Variants in CCDC148 observed in about 807,000 individuals in gnomAD.
CCDC148 encodes coiled-coil domain-containing protein 148.
CCDC148 carries 89 observed loss-of-function variants against 85.7 expected under a neutral mutation model. That is an observed-to-expected ratio of 1.04 (90% CI 0.87 to 1.24). The LOEUF is 1.24. Ranked by LOEUF, CCDC148 falls within the 50% of genes most tolerant of loss-of-function variation. The probability of loss-of-function intolerance (pLI) is 0.00; values close to 1 mark genes in which losing one functional copy is unlikely to be tolerated. For missense variants in CCDC148, 692 were observed against 671.7 expected, an observed-to-expected ratio of 1.03 and a Z score of -0.33; for synonymous variants, 230 against 213.9, an observed-to-expected ratio of 1.08 and a Z score of -0.66.
chr2:158,327,602 C>T (rs1692846820), intron 7 of CCDC148, among the ~76,000 whole-genome samples: 1 of 152,166 alleles, frequency 6.6e-6, no homozygotes, highest in South Asian at 2.1e-4. Context: ...CAACATGCTA[C>T]AGTTTATAAA....
At chr2:158,212,953 C>T (rs1251168360) in intron 11 of CCDC148, among the ~76,000 whole-genome samples, 1 of 152,176 alleles carries the variant, frequency 6.6e-6, no homozygotes, top group African/African-American at 2.4e-5. Flanking sequence ...TGGGCCCATA[C>T]TTGAGAAAGT....
intron 1 of CCDC148, among the ~76,000 whole-genome samples, chr2:158,415,015 A>T (rs988047285): frequency 3.3e-5 from 5 of 152,172 alleles, no homozygotes; most frequent in Non-Finnish European, 5.9e-5. Flanking sequence ...ATGATTTGGT[A>T]TGTATTACTT....
chr2:158,216,139 T>C (rs957261279), intron 11 of CCDC148, among the ~76,000 whole-genome samples: 1 of 152,196 alleles, frequency 6.6e-6, no homozygotes, highest in Non-Finnish European at 1.5e-5. Flanking sequence ...CTTGATTTTA[T>C]ATAGGTACAT....
intron 1 of CCDC148, 67 bp from the exon 2 acceptor site, chr2:158,358,637 T>C (rs1264185395): frequency 7.2e-6 from 8 of 1,117,948 alleles, no homozygotes; most frequent in Non-Finnish European, 9.8e-6. Context: ...CAAAATATAA[T>C]TAGGGCAACA....
chr2:158,287,468 A>G (rs993854613), intron 9 of CCDC148, among the ~76,000 whole-genome samples: 1 of 152,202 alleles, frequency 6.6e-6, no homozygotes, highest in Non-Finnish European at 1.5e-5. Context: ...GTGGGGGTAC[A>G]GGCATTGAGT....
chr2:158,343,065 G>A (rs935852333), intron 3 of CCDC148, among the ~76,000 whole-genome samples: 2 of 152,122 alleles, frequency 1.3e-5, no homozygotes, highest in African/African-American at 4.8e-5. Context: ...CTAGAGTGCA[G>A]TGGCTGTTCA....
chr2:158,358,912 A>G (rs1351404293), intron 1 of CCDC148, among the ~76,000 whole-genome samples: 1 of 152,126 alleles, frequency 6.6e-6, no homozygotes. Flanking sequence ...TTAAAATGTG[A>G]TAGACATCAA....
intron 3 of CCDC148, among the ~76,000 whole-genome samples, chr2:158,344,669 T>C (rs1326863665): frequency 6.6e-6 from 1 of 152,086 alleles, no homozygotes; most frequent in African/African-American, 2.4e-5. Flanking sequence ...ATTTTATCTT[T>C]ACGTGACAGC....
In CCDC148 at chr2:158,450,913, C is replaced by T. The variant is rs79331178; in HGVS notation, c.25+5502G>A. 6.4e-3 allele frequency among the ~76,000 whole-genome samples: 975 copies of T among 152,192 alleles called. 2 individuals are homozygous for T. The highest frequency in any genetic ancestry group is 9.6e-3 in the Non-Finnish European group (656 of 68,004). ...TCTATACCCTTCTATCCCTCCTTTC[C>T]TCCTGGGGCTCCCAGCATAAATTGG... On this transcript the variant is annotated intron_variant, in intron 1 of 13. Coordinates refer to ENST00000283233, the MANE Select transcript of CCDC148 (RefSeq NM_138803.4).
intron 2 of CCDC148, among the ~76,000 whole-genome samples, chr2:158,355,992 T>A (rs1312910602): frequency 7.4e-6 from 1 of 135,632 alleles, no homozygotes; most frequent in Non-Finnish European, 1.5e-5. Flanking sequence ...GGATTCCCTA[T>A]TTAATAAATG....
At chr2:158,332,998 A>G (rs527869769) in intron 7 of CCDC148, among the ~76,000 whole-genome samples, 1 of 151,762 alleles carries the variant, frequency 6.6e-6, no homozygotes, top group African/African-American at 2.4e-5. Context: ...GGATTCATTG[A>G]TTTTTTTGAA....
intron 9 of CCDC148, among the ~76,000 whole-genome samples, chr2:158,284,623 G>T (rs1185763595): frequency 1.3e-5 from 2 of 152,182 alleles, no homozygotes; most frequent in East Asian, 3.8e-4. Context: ...AATTAAAAAG[G>T]CTTCAAGCTT....
intron 10 of CCDC148, among the ~76,000 whole-genome samples, chr2:158,223,443 G>A (rs1387071460): frequency 6.6e-6 from 1 of 152,170 alleles, no homozygotes; most frequent in Non-Finnish European, 1.5e-5. Flanking sequence ...AGACTTAAAT[G>A]TCCCTGTCTG....
chr2:158,332,726 C>T (rs551905836), intron 7 of CCDC148, among the ~76,000 whole-genome samples: 1 of 152,032 alleles, frequency 6.6e-6, no homozygotes, highest in African/African-American at 2.4e-5. Flanking sequence ...TATTGGTCTA[C>T]TCAGGGATTC....
In CCDC148 at chr2:158,355,962, A is replaced by G. The variant is rs952395815; in HGVS notation, c.147+2487T>C. Among the ~76,000 whole-genome samples, 12 of 135,602 alleles carry G rather than the reference A, an allele frequency of 8.8e-5. 1 individual carries two copies. Among genetic ancestry groups the G allele is most frequent in the African/African-American group, 3.6e-4 (11 of 30,362 alleles). 89.0% of individuals were successfully genotyped at this position (135,602 alleles called of 152,430 possible). Reference sequence around the variant, plus strand: ...CTATCTGATCTTTGACAAGCCTGAGAAAAACAAGCAATGGGGAAAGGATTC... The same window carrying G: ...CTATCTGATCTTTGACAAGCCTGAGGAAAACAAGCAATGGGGAAAGGATTC... On this transcript the variant is annotated intron_variant, in intron 2 of 13. Transcript: ENST00000283233.
At chr2:158,301,646 T>C (rs1691448118) in intron 9 of CCDC148, among the ~76,000 whole-genome samples, 1 of 152,026 alleles carries the variant, frequency 6.6e-6, no homozygotes, top group African/African-American at 2.4e-5. Context: ...GGGCAGACAA[T>C]GGGAAATATA....
intron 7 of CCDC148, among the ~76,000 whole-genome samples, chr2:158,319,187 C>G (rs776905161): frequency 6.6e-6 from 1 of 152,136 alleles, no homozygotes; most frequent in Non-Finnish European, 1.5e-5. Flanking sequence ...TTGCTCCCAC[C>G]CCTGCTCCTG....
chr2:158,255,863 T>A (rs957786235), intron 9 of CCDC148, among the ~76,000 whole-genome samples: 2 of 151,756 alleles, frequency 1.3e-5, no homozygotes, highest in African/African-American at 4.8e-5. Flanking sequence ...ATTAATACTT[T>A]GCTTAATATG....
chr2:158,362,680 G>C lies in CCDC148; in HGVS notation c.26-4110C>G, dbSNP rs150573817. Among the ~76,000 whole-genome samples, 872 of 152,202 alleles carry C rather than the reference G, an allele frequency of 5.7e-3. 11 individuals carry two copies. Among genetic ancestry groups the C allele is most frequent in the African/African-American group, 0.02 (831 of 41,526 alleles). ...AAACAGCTAAAGCAGTGTGTAGAGG[G>C]AAATTGATAGCACTAAATGCCCACA... is the stretch of plus-strand genomic sequence containing the variant. On this transcript the variant is annotated intron_variant, in intron 1 of 13. Transcript: ENST00000283233.
Sources: allele counts gnomAD v4.1 joint callset (sites outside exome capture counted in the v4.1 genomes callset), GRCh38; gene constraint gnomAD v4.1.1; transcripts MANE v1.5; gene names NCBI Gene and HGNC (gene_info 2026-07-23, HGNC 2026-07-21).